Variants in SS18L2 observed in about 807,000 individuals in gnomAD.
SS18L2 encodes the protein SS18-like protein 2.
SS18L2 carries 8 observed loss-of-function variants against 10.3 expected under a neutral mutation model. The ratio of observed to expected loss-of-function variants is 0.78; its 90% CI spans 0.46 to 1.41. The LOEUF (loss-of-function observed/expected upper bound fraction) is 1.41, where lower values mean the gene tolerates loss of function less well. Among genes scored for constraint, SS18L2 ranks in the 40% most tolerant of loss-of-function variants. SS18L2 has a pLI of 0.00. For missense variants in SS18L2, 100 were observed against 96.2 expected (o/e 1.04, Z -0.17); for synonymous variants, 41 against 34.6 (o/e 1.19, Z -0.65).
intron 1 of SS18L2, 166 bp downstream of exon 1, chr3:42,591,132 G>C: frequency 1.4e-6 from 1 of 718,424 alleles, no homozygotes; most frequent in Non-Finnish European, 2.4e-6. Flanking sequence ...ACAGGCGCCG[G>C]GGCAGGACCC....
Position 42,594,748 on chromosome 3 carries a change from GTCCTC to G in SS18L2, c.*241_*245del, listed in dbSNP as rs1182456068. 1 of 346,214 alleles carries G rather than the reference GTCCTC, an allele frequency of 2.9e-6. No individual in the cohort carries two copies. The highest frequency in any genetic ancestry group is 2.1e-5 in the African/African-American group (1 of 47,260). 21.4% of individuals were successfully genotyped at this position (346,214 alleles called of 1,614,324 possible). ...ATCCCTCAATAAGTTGAGCCCAGGT[GTCCTC>G]TTTCCTGAACTTGGAGCATGTTTGG... is the stretch of plus-strand genomic sequence containing the variant. On this transcript the variant is annotated 3_prime_UTR_variant, in exon 3 of 3. Transcript: ENST00000011691.
chr3:42,584,104 T>C (rs1704529722), intron 1 of SS18L2, among the ~76,000 whole-genome samples: 1 of 152,200 alleles, frequency 6.6e-6, no homozygotes, highest in South Asian at 2.1e-4. Context: ...GTTCCCCTAA[T>C]AAATCCCCTC....
chr3:42,588,840 T>C (rs539664726), upstream of SS18L2, among the ~76,000 whole-genome samples: 4 of 152,226 alleles, frequency 2.6e-5, no homozygotes, highest in South Asian at 4.1e-4. Flanking sequence ...TCTGAAAGCT[T>C]TGGGGAATTT....
rs777075749 is a variant in SS18L2, at chr3:42,596,099, G to A, written c.*1590G>A. Reference sequence around the variant, plus strand: ...TGCAGTGGTGCAATTTTGGCTCACTGCAACCTCTACCTCCTGGGTTCAAGT... The same window carrying A: ...TGCAGTGGTGCAATTTTGGCTCACTACAACCTCTACCTCCTGGGTTCAAGT... On this transcript the variant is annotated 3_prime_UTR_variant, in exon 3 of 3. Coordinates refer to ENST00000011691, the MANE Select transcript of SS18L2 (RefSeq NM_001370300.1). 1.3e-5 allele frequency among the ~76,000 whole-genome samples: 2 copies of A among 151,654 alleles called. No homozygotes were observed. Among genetic ancestry groups the A allele is most frequent in the Non-Finnish European group, 2.9e-5 (2 of 67,970 alleles).
At chr3:42,588,359 T>C (rs1704693236), upstream of SS18L2, among the ~76,000 whole-genome samples, 1 of 152,100 alleles carries the variant, frequency 6.6e-6, no homozygotes, top group Admixed American at 6.6e-5. Flanking sequence ...GAGCTGAGAT[T>C]GCACCAATGC....
intron 1 of SS18L2, among the ~76,000 whole-genome samples, chr3:42,584,422 T>A (rs1433522284): frequency 6.6e-6 from 1 of 152,158 alleles, no homozygotes; most frequent in Non-Finnish European, 1.5e-5. Context: ...GCCCAGCTAA[T>A]TTTTGTATTT....
chr3:42,590,202 C>T (rs1222027484), upstream of SS18L2, among the ~76,000 whole-genome samples: 5 of 152,208 alleles, frequency 3.3e-5, no homozygotes, highest in African/African-American at 1.2e-4. Context: ...TTTTCCTGGC[C>T]TGCAGATTTG....
intron 2 of SS18L2, among the ~76,000 whole-genome samples, chr3:42,593,839 G>A (rs1255203737): frequency 6.6e-6 from 1 of 152,186 alleles, no homozygotes; most frequent in African/African-American, 2.4e-5. Context: ...CAGCTATGCA[G>A]TAGTAAGGCA....
chr3:42,595,611 AT>A lies in SS18L2; in HGVS notation c.*1105del, dbSNP rs1705005809. Among the ~76,000 whole-genome samples, 1 of 152,184 alleles carries A rather than the reference AT, an allele frequency of 6.6e-6. No homozygotes were observed. The highest frequency in any genetic ancestry group is 6.5e-5 in the Admixed American group (1 of 15,280). ...GGGATTACATAATGAGGATTTTCTA[AT>A]TTATCATTCTTTCTGACTTTATTAG... On this transcript the variant is annotated 3_prime_UTR_variant, in exon 3 of 3. Coordinates refer to ENST00000011691, the MANE Select transcript of SS18L2 (RefSeq NM_001370300.1).
intron 1 of SS18L2, chr3:42,582,391 A>G (rs1001532946): frequency 1.3e-5 from 2 of 152,412 alleles, no homozygotes; most frequent in Non-Finnish European, 2.9e-5. Context: ...AGATAGGCAA[A>G]CCAAAGAGCA....
Position 42,596,023 on chromosome 3 carries a change from TTTTG to T in SS18L2, c.*1518_*1521del, listed in dbSNP as rs1407839613. 5.3e-5 allele frequency among the ~76,000 whole-genome samples: 8 copies of T among 151,506 alleles called. No homozygotes were observed. In the East Asian group the frequency reaches 1.5e-3, roughly 29 times the overall value. ...TCTTCTTTTTTTTGGTTTTGTTTTG[TTTTG>T]TTTTTGTTTTTGTTTTTTTTTGAGA... is the stretch of plus-strand genomic sequence containing the variant. On this transcript the variant is annotated 3_prime_UTR_variant, in exon 3 of 3. Transcript: ENST00000011691.
In SS18L2 at chr3:42,595,950, A is replaced by G. The variant is rs2125743206; in HGVS notation, c.*1441A>G. 6.6e-6 allele frequency among the ~76,000 whole-genome samples: 1 copy of G among 152,302 alleles called. No homozygotes were observed. Among genetic ancestry groups the G allele is most frequent in the South Asian group, 2.1e-4 (1 of 4,828 alleles). On this transcript the variant is annotated 3_prime_UTR_variant, in exon 3 of 3. Transcript: ENST00000011691. ...TTGAGAACTGGGCACATGTTAATCT[A>G]TGTTAGCACTAATGTGCTGAGGGCT...
Position 42,596,166 on chromosome 3 carries a change from C to T in SS18L2, c.*1657C>T, listed in dbSNP as rs369125001. Among the ~76,000 whole-genome samples the T allele has an allele frequency of 8.5e-5, 13 of 152,132 alleles. No homozygotes were observed. In the South Asian group the frequency reaches 2.7e-3, roughly 32 times the overall value. ...CCTCCCAAGTAGCTGGGATTACAGG[C>T]ATGTGGCACCATGCCTGGCTAATTT... On this transcript the variant is annotated 3_prime_UTR_variant, in exon 3 of 3. Transcript: ENST00000011691.
At chr3:42,590,511 C>G (rs1704782843), upstream of SS18L2, among the ~76,000 whole-genome samples, 1 of 151,734 alleles carries the variant, frequency 6.6e-6, no homozygotes, top group South Asian at 2.1e-4. Flanking sequence ...CCTGTAGTCC[C>G]AGGAGGCGGA....
intron 1 of SS18L2, among the ~76,000 whole-genome samples, chr3:42,585,567 A>G (rs760630787): frequency 6.6e-6 from 1 of 152,280 alleles, no homozygotes; most frequent in South Asian, 2.1e-4. Flanking sequence ...TATAAGCTCC[A>G]TCGAGTCTTC....
chr3:42,591,059 C>T, intron 1 of SS18L2, 93 bp downstream of exon 1: 2 of 1,376,998 alleles, frequency 1.5e-6, no homozygotes, highest in Non-Finnish European at 2.0e-6. Flanking sequence ...TGAGCGGCCT[C>T]CCAGCTGACT....
At chr3:42,587,471 G>GT (rs1341193955), upstream of SS18L2, 1 of 152,180 alleles carries the variant, frequency 6.6e-6, no homozygotes, top group African/African-American at 2.4e-5. Context: ...GCTCACGCCT[G>GT]TAATCCCAGC....
chr3:42,591,113 G>A, intron 1 of SS18L2, 147 bp downstream of exon 1: 4 of 921,270 alleles, frequency 4.3e-6, no homozygotes, highest in African/African-American at 1.6e-5. Context: ...AGATGGGCAC[G>A]AAATCAGCAC....
At position 42,595,262 on chromosome 3, in the gene SS18L2, A is replaced by G. The variant is rs1389157208; in HGVS notation, c.*753A>G. ...GTTGTATTTTGTTGATGTTCCTTTA[A>G]GTCACTTAAAGAATACTTAATAGTT... On this transcript the variant is annotated 3_prime_UTR_variant, in exon 3 of 3. Transcript: ENST00000011691. The G allele has an allele frequency of 1.3e-5, 2 of 152,194 alleles. No individual in the cohort carries two copies. Among genetic ancestry groups the G allele is most frequent in the Admixed American group, 1.3e-4 (2 of 15,282 alleles). The allele number at this position is 152,194 out of a possible 1,614,324, so 9.4% of individuals were successfully genotyped here.
Sources: allele counts gnomAD v4.1 joint callset (sites outside exome capture counted in the v4.1 genomes callset), GRCh38; gene constraint gnomAD v4.1.1; transcripts MANE v1.5; gene names NCBI Gene and HGNC (gene_info 2026-07-23, HGNC 2026-07-21).